The following CFHR3 variants were observed in gnomAD, a reference collection of about 807,000 sequenced individuals.
The protein encoded by CFHR3 is complement factor H related 3.
A neutral mutation model predicts 36.0 loss-of-function variants in CFHR3; 22 were observed. The observed-to-expected ratio is 0.61, with a 90% CI of 0.44 to 0.87. CFHR3 has a LOEUF of 0.87. Ranked by LOEUF, CFHR3 falls within the 40% of genes least tolerant of loss-of-function variation. The pLI is 0.00. For missense variants in CFHR3, 276 were observed against 401.3 expected (o/e 0.69, Z 2.67); for synonymous variants, 97 against 137.4 (o/e 0.71, Z 2.06).
At chr1:196,792,546 AT>A (rs1192809254) in intron 5 of CFHR3, among the ~76,000 whole-genome samples, 2 of 126,582 alleles carry the variant, frequency 1.6e-5, no homozygotes, top group Admixed American at 7.6e-5. Context: ...AAAATTATAA[AT>A]TTTTTTACAA....
In CFHR3 at chr1:196,794,554, C is replaced by A. The variant is rs1469473629; in HGVS notation, c.*1041C>A. ...AGGCTACATTTGTATTTTCTTAATA[C>A]AAATATTTTGAAAGTTTCTTCATAT... On this transcript the variant is annotated 3_prime_UTR_variant, in exon 6 of 6. Transcript: ENST00000367425. 7 of 376,738 alleles carry A rather than the reference C, an allele frequency of 1.9e-5. 2 individuals carry two copies. Among genetic ancestry groups the A allele is most frequent in the African/African-American group, 9.8e-5 (3 of 30,632 alleles). 23.3% of individuals were successfully genotyped at this position (376,738 alleles called of 1,614,324 possible).
chr1:196,778,230 C>A (rs1356367613), intron 1 of CFHR3, among the ~76,000 whole-genome samples: 1 of 134,826 alleles, frequency 7.4e-6, no homozygotes, highest in Admixed American at 7.2e-5. Context: ...GCCTCTGGAG[C>A]CAGTTCTGTA....
intron 5 of CFHR3, among the ~76,000 whole-genome samples, chr1:196,791,240 CT>C (rs1236841302): frequency 2.2e-5 from 3 of 136,152 alleles, no homozygotes; most frequent in Non-Finnish European, 4.7e-5. Flanking sequence ...CTAAAAACCC[CT>C]CAAGCCAGTA....
chr1:196,788,046 C>T (rs543019140), intron 3 of CFHR3, among the ~76,000 whole-genome samples, 170 bp from the exon 4 acceptor site: 2 of 137,028 alleles, frequency 1.5e-5, no homozygotes, highest in South Asian at 2.5e-4. Flanking sequence ...TTCAGAAATT[C>T]GTGGTTTCCT....
chr1:196,784,503 T>A lies in CFHR3; in HGVS notation c.431-3713T>A, dbSNP rs1350601417. On this transcript the variant is annotated intron_variant, in intron 3 of 5. Transcript: ENST00000367425. ...TGGGTGCTCCTGTATTGGGTGCATATATATCTAGGATAGTTAGCTCTTCTT... is the reference window on the plus strand; with the variant it reads ...TGGGTGCTCCTGTATTGGGTGCATAAATATCTAGGATAGTTAGCTCTTCTT... Among the ~76,000 whole-genome samples the A allele has an allele frequency of 2.2e-5, 3 of 136,400 alleles. 1 individual carries two copies. The highest frequency in any genetic ancestry group is 9.3e-5 in the African/African-American group (3 of 32,302). The allele number at this position is 136,400 out of a possible 152,430, so 89.5% of individuals were successfully genotyped here.
At chr1:196,788,921 A>G (rs1411397956) in intron 4 of CFHR3, 4 of 1,391,972 alleles carry the variant, frequency 2.9e-6, no homozygotes, top group Admixed American at 4.7e-5. Flanking sequence ...TGTTTACTAC[A>G]GAGAAAACAA....
At position 196,787,424 on chromosome 1, in the gene CFHR3, C is replaced by T. The variant is rs1174702303; in HGVS notation, c.431-792C>T. On this transcript the variant is annotated intron_variant, in intron 3 of 5. Transcript: ENST00000367425. ...CAAATGCTATATTATAAATATGCAT[C>T]ATCTTTAACATGATTTCTTTTTCTT... Among the ~76,000 whole-genome samples the T allele has an allele frequency of 2.2e-5, 3 of 136,874 alleles. 1 individual carries two copies. The highest frequency in any genetic ancestry group is 9.2e-5 in the African/African-American group (3 of 32,730). The allele number at this position is 136,874 out of a possible 152,430, so 89.8% of individuals were successfully genotyped here.
chr1:196,789,558 T>C, intron 4 of CFHR3: 1 of 1,062,826 alleles, frequency 9.4e-7, no homozygotes, highest in Non-Finnish European at 1.2e-6. Flanking sequence ...ATCTAATATA[T>C]ACACCCTTAC....
At chr1:196,775,637 C>T (rs997238781) in intron 1 of CFHR3, among the ~76,000 whole-genome samples, 1 of 136,760 alleles carries the variant, frequency 7.3e-6, no homozygotes, top group Admixed American at 7.1e-5. Context: ...ACTGATTTCT[C>T]CTAGATAGTC....
At chr1:196,780,694 G>A (rs1653911995) in intron 3 of CFHR3, among the ~76,000 whole-genome samples, 1 of 136,422 alleles carries the variant, frequency 7.3e-6, no homozygotes, top group Admixed American at 7.1e-5. Context: ...CATTCTCTTT[G>A]TGGCTAGTAT....
At position 196,794,746 on chromosome 1, in the gene CFHR3, T is replaced by G. The variant is rs1266977303; in HGVS notation, c.*1233T>G. ...AAATTGAAATCTCTATTCACTTTAA[T>G]AGATTTTTACCCCCAGTTAGCATAT... is the stretch of plus-strand genomic sequence containing the variant. On this transcript the variant is annotated 3_prime_UTR_variant, in exon 6 of 6. Coordinates refer to ENST00000367425, the MANE Select transcript of CFHR3 (RefSeq NM_021023.6). 1.4e-5 allele frequency: 4 copies of G among 286,890 alleles called. 1 individual carries two copies. The highest frequency in any genetic ancestry group is 1.4e-4 in the South Asian group (4 of 29,454). The allele number at this position is 286,890 out of a possible 1,614,324, so 17.8% of individuals were successfully genotyped here. A position where few individuals can be genotyped will look rare whatever the true frequency, so the allele number is the denominator to read the frequency against.
chr1:196,789,493 AAGAC>A, intron 4 of CFHR3: 1 of 983,550 alleles, frequency 1.0e-6, no homozygotes, highest in Admixed American at 4.9e-5. Flanking sequence ...TGTGAAATAA[AAGAC>A]AGGATGCTTC....
chr1:196,780,613 G>T (rs1437651408), intron 3 of CFHR3, among the ~76,000 whole-genome samples: 1 of 135,780 alleles, frequency 7.4e-6, no homozygotes, highest in Non-Finnish European at 1.6e-5. Context: ...GGGAGTTTTG[G>T]TTGTTATTAG....
intron 5 of CFHR3, among the ~76,000 whole-genome samples, chr1:196,792,326 C>A (rs1654453131): frequency 9.0e-6 from 1 of 111,204 alleles, no homozygotes; most frequent in East Asian, 2.8e-4. Flanking sequence ...AACTAGAATG[C>A]AGAATACTTG....
rs1654453943 is a variant in CFHR3, at chr1:196,792,398, G to C, written c.797-919G>C. 5.4e-5 allele frequency among the ~76,000 whole-genome samples: 6 copies of C among 110,658 alleles called. 2 individuals are homozygous for C. The highest frequency in any genetic ancestry group is 5.3e-4 in the Admixed American group (6 of 11,274). The allele number at this position is 110,658 out of a possible 152,430, so 72.6% of individuals were successfully genotyped here. A position where few individuals can be genotyped will look rare whatever the true frequency, so the allele number is the denominator to read the frequency against. On this transcript the variant is annotated intron_variant, in intron 5 of 5. Coordinates refer to ENST00000367425, the MANE Select transcript of CFHR3 (RefSeq NM_021023.6). ...CAAAAGTGAAAAGCTTGCTATGTAA[G>C]AACTGACATTTTTATCATGTAAGTA...
chr1:196,793,301 T>C lies in CFHR3; in HGVS notation c.797-16T>C, dbSNP rs777526066. On this transcript the variant is annotated splice_polypyrimidine_tract_variant and intron_variant, in intron 5 of 5. Coordinates refer to ENST00000367425, the MANE Select transcript of CFHR3 (RefSeq NM_021023.6). ...AGAGAAAATTATGATTGTTAATTGT[T>C]TTTTTCTGCTTTCAGATCCATGTAT... 3 of 1,492,920 alleles carry C rather than the reference T, an allele frequency of 2.0e-6. 1 individual carries two copies. Among genetic ancestry groups the C allele is most frequent in the Non-Finnish European group, 2.7e-6 (3 of 1,105,130 alleles). 92.5% of individuals were successfully genotyped at this position (1,492,920 alleles called of 1,614,324 possible). A position where few individuals can be genotyped will look rare whatever the true frequency, so the allele number is the denominator to read the frequency against.
rs998343837 is a variant in CFHR3 at position 196,785,572 on chromosome 1, A to G, written c.431-2644A>G. 1.3e-4 allele frequency among the ~76,000 whole-genome samples: 18 copies of G among 136,498 alleles called. 6 individuals carry two copies. Among genetic ancestry groups the G allele is most frequent in the African/African-American group, 5.5e-4 (18 of 32,536 alleles). The allele number at this position is 136,498 out of a possible 152,430, so 89.5% of individuals were successfully genotyped here. On this transcript the variant is annotated intron_variant, in intron 3 of 5. Transcript: ENST00000367425. ...ATTCATTTCATCTTCCATCACTGAT[A>G]CCCTTTCTTCCAGATGATCACATCG... is the stretch of plus-strand genomic sequence containing the variant.
Position 196,794,770 on chromosome 1 carries a change from A to G in CFHR3, c.*1257A>G. ...ATAGATTTTTACCCCCAGTTAGCAT[A>G]TGGTTAGTGAGAAGTTGCAGGGTAA... On this transcript the variant is annotated 3_prime_UTR_variant, in exon 6 of 6. Coordinates refer to ENST00000367425, the MANE Select transcript of CFHR3 (RefSeq NM_021023.6). 1 of 272,982 alleles carries G rather than the reference A, an allele frequency of 3.7e-6. No individual in the cohort carries two copies. The highest frequency in any genetic ancestry group is 7.1e-6 in the Non-Finnish European group (1 of 141,638). 16.9% of individuals were successfully genotyped at this position (272,982 alleles called of 1,614,324 possible). A position where few individuals can be genotyped will look rare whatever the true frequency, so the allele number is the denominator to read the frequency against.
chr1:196,789,603 TAC>T (rs1654342852), intron 4 of CFHR3: 1 of 1,331,490 alleles, frequency 7.5e-7, no homozygotes, highest in East Asian at 2.5e-5. Context: ...CATAAATGGT[TAC>T]ATTAACTTTT....
Sources: gnomAD v4.1 joint callset for allele counts (sites outside exome capture counted in the v4.1 genomes callset) on GRCh38, gnomAD v4.1.1 for gene constraint, MANE v1.5 for transcripts, NCBI Gene and HGNC (gene_info 2026-07-23, HGNC 2026-07-21) for gene names.